Variants in JARID2 observed in about 807,000 individuals in gnomAD.
JARID2 encodes the protein jumonji and AT-rich interaction domain containing 2.
A neutral mutation model predicts 125.6 loss-of-function variants in JARID2; 21 were observed. That is an observed-to-expected ratio of 0.17 (90% CI 0.12 to 0.24). JARID2 has a LOEUF of 0.24. Ranked by LOEUF, JARID2 falls within the 10% of genes least tolerant of loss-of-function variation. The pLI is 1.00. For missense variants in JARID2, 1,303 were observed against 1,639.6 expected, an observed-to-expected ratio of 0.79 and a Z score of 3.55; for synonymous variants, 736 against 661.6, an observed-to-expected ratio of 1.11 and a Z score of -1.73.
chr6:15,383,280 A>G (rs1300773298), intron 2 of JARID2, among the ~76,000 whole-genome samples: 1 of 149,214 alleles, frequency 6.7e-6, no homozygotes, highest in Non-Finnish European at 1.5e-5. Flanking sequence ...GACTACTGGC[A>G]TGTATCATCA....
chr6:15,404,454 A>G (rs1046628466), intron 2 of JARID2, among the ~76,000 whole-genome samples: 2 of 151,188 alleles, frequency 1.3e-5, no homozygotes, highest in Non-Finnish European at 2.9e-5. Context: ...CATTCTGATG[A>G]CCTCAGAGAG....
intron 1 of JARID2, among the ~76,000 whole-genome samples, chr6:15,261,376 G>A (rs944042884): frequency 2.0e-5 from 3 of 148,272 alleles, no homozygotes; most frequent in Admixed American, 6.8e-5. Flanking sequence ...GTGCAGTGGC[G>A]CTATCTTGGC....
At position 15,493,867 on chromosome 6, in the gene JARID2, G is replaced by T. The variant is rs552557048; in HGVS notation, c.907-2265G>T. On this transcript the variant is annotated intron_variant, in intron 6 of 17. Transcript: ENST00000341776. ...TACTTACCACGGAATATTTCTGTTT[G>T]TCCTTACCCCTGGTTTTATAAATCT... Among the ~76,000 whole-genome samples the T allele has an allele frequency of 5.9e-5, 9 of 152,174 alleles. No individual in the cohort carries two copies. In the South Asian group the frequency reaches 1.9e-3, roughly 32 times the overall value.
chr6:15,444,647 T>C (rs1039349685), intron 3 of JARID2, among the ~76,000 whole-genome samples: 1 of 151,412 alleles, frequency 6.6e-6, no homozygotes, highest in Non-Finnish European at 1.5e-5. Context: ...TTTCAGCAAG[T>C]TGGCAAAGCT....
intron 1 of JARID2, among the ~76,000 whole-genome samples, chr6:15,324,096 A>G (rs1000207155): frequency 2.0e-5 from 3 of 151,568 alleles, no homozygotes; most frequent in South Asian, 2.1e-4. Flanking sequence ...GGAGAATGGC[A>G]TGAACCGGGG....
At chr6:15,481,376 G>A (rs2127705842) in intron 5 of JARID2, among the ~76,000 whole-genome samples, 1 of 152,340 alleles carries the variant, frequency 6.6e-6, no homozygotes, top group African/African-American at 2.4e-5. Context: ...ATTGGGGACA[G>A]TGTGTGGAGG....
At chr6:15,368,758 T>A in intron 1 of JARID2, 1 of 479,284 alleles carries the variant, frequency 2.1e-6, no homozygotes, top group Non-Finnish European at 4.2e-6. Context: ...ATCTGAATTC[T>A]GACAGTAATA....
chr6:15,288,913 T>C (rs1489443888), intron 1 of JARID2, among the ~76,000 whole-genome samples: 1 of 152,224 alleles, frequency 6.6e-6, no homozygotes, highest in African/African-American at 2.4e-5. Flanking sequence ...TAAGCTCTGG[T>C]ACCCAAGCCG....
At chr6:15,280,919 G>T (rs991258327) in intron 1 of JARID2, among the ~76,000 whole-genome samples, 1 of 152,108 alleles carries the variant, frequency 6.6e-6, no homozygotes, top group Non-Finnish European at 1.5e-5. Context: ...ATGAGCCACC[G>T]TGCCTGGCCA....
At chr6:15,396,922 T>G (rs1765240831) in intron 2 of JARID2, among the ~76,000 whole-genome samples, 2 of 152,216 alleles carry the variant, frequency 1.3e-5, no homozygotes, top group African/African-American at 4.8e-5. Flanking sequence ...CCTACTATGT[T>G]CTTGTAATTA....
chr6:15,264,645 GAGAGAGAGA>G (rs1760013887), intron 1 of JARID2, among the ~76,000 whole-genome samples: 1 of 151,580 alleles, frequency 6.6e-6, no homozygotes, highest in African/African-American at 2.4e-5. Context: ...GTGTGTGAGA[GAGAGAGAGA>G]TAGAGAGAGA....
intron 1 of JARID2, among the ~76,000 whole-genome samples, chr6:15,260,255 T>C (rs1759819947): frequency 2.0e-5 from 3 of 152,182 alleles, no homozygotes; most frequent in Admixed American, 2.0e-4. Flanking sequence ...ACTTCTGAAC[T>C]TGACTTACTT....
intron 1 of JARID2, among the ~76,000 whole-genome samples, chr6:15,367,239 A>C (rs1329721351): frequency 6.6e-6 from 1 of 152,318 alleles, no homozygotes; most frequent in South Asian, 2.1e-4. Flanking sequence ...ATTGATTTTT[A>C]ATTGATCAGA....
chr6:15,506,871 T>G (rs1771029374), intron 9 of JARID2, among the ~76,000 whole-genome samples: 1 of 152,230 alleles, frequency 6.6e-6, no homozygotes, highest in African/African-American at 2.4e-5. Flanking sequence ...GATGGGATAC[T>G]TTGGTGGCTT....
chr6:15,368,829 A>G, intron 1 of JARID2: 1 of 441,196 alleles, frequency 2.3e-6, no homozygotes, highest in Non-Finnish European at 4.6e-6. Context: ...TTTCTTTCTG[A>G]TGTATATAGG....
chr6:15,296,808 C>T (rs1461113188), intron 1 of JARID2, among the ~76,000 whole-genome samples: 1 of 152,208 alleles, frequency 6.6e-6, no homozygotes, highest in Non-Finnish European at 1.5e-5. Context: ...CTTGGGTGTT[C>T]CCAGCCCCCT....
chr6:15,421,961 A>AGAAG (rs1248487216), intron 3 of JARID2, among the ~76,000 whole-genome samples: 1 of 152,210 alleles, frequency 6.6e-6, no homozygotes, highest in African/African-American at 2.4e-5. Flanking sequence ...CTCTTCTGCC[A>AGAAG]AGGGATGTAT....
chr6:15,489,408 C>T (rs1348988468), intron 6 of JARID2, among the ~76,000 whole-genome samples: 3 of 152,200 alleles, frequency 2.0e-5, no homozygotes, highest in East Asian at 1.9e-4. Context: ...TTCATGTTCT[C>T]ATGCACGGAC....
In JARID2 at chr6:15,521,516, T is replaced by G. The variant is rs1771850955; in HGVS notation, c.*1265T>G. ...TGCTTACAGGGTTTTTCTTGTAACA[T>G]TTATAAGTGCTGCTTACATCACTGA... On this transcript the variant is annotated 3_prime_UTR_variant, in exon 18 of 18. Coordinates refer to ENST00000341776, the MANE Select transcript of JARID2 (RefSeq NM_004973.4). 1 of 152,016 alleles carries G rather than the reference T, an allele frequency of 6.6e-6. No homozygotes were observed. The highest frequency in any genetic ancestry group is 6.5e-5 in the Admixed American group (1 of 15,270). The allele number at this position is 152,016 out of a possible 1,614,324, so 9.4% of individuals were successfully genotyped here. A position where few individuals can be genotyped will look rare whatever the true frequency, so the allele number is the denominator to read the frequency against.
Sources: allele counts gnomAD v4.1 joint callset (sites outside exome capture counted in the v4.1 genomes callset), GRCh38; gene constraint gnomAD v4.1.1; transcripts MANE v1.5; gene names NCBI Gene and HGNC (gene_info 2026-07-23, HGNC 2026-07-21).